IL16: variants seen among roughly 807,000 people sequenced by gnomAD.
IL16 encodes pro-interleukin-16.
A neutral mutation model predicts 110.1 loss-of-function variants in IL16; 67 were observed. The observed-to-expected ratio is 0.61, with a 90% CI of 0.50 to 0.75. The LOEUF is 0.75. IL16 is among the 30% of genes least tolerant of loss of function. IL16 has a pLI of 0.00. For missense variants in IL16, 1,545 were observed against 1,655.0 expected, an observed-to-expected ratio of 0.93 and a Z score of 1.15; for synonymous variants, 689 against 662.9, an observed-to-expected ratio of 1.04 and a Z score of -0.61.
Position 81,197,145 on chromosome 15 carries a change from G to A in IL16, c.-109G>A. On this transcript the variant is annotated 5_prime_UTR_variant, in exon 1 of 19. Coordinates refer to ENST00000683961, the MANE Select transcript of IL16 (RefSeq NM_172217.5). The stretch of plus-strand genomic sequence containing the variant: ...GGGACTGTGCATAGGGAGGTAGGTG[G>A]GCACCAGGTGAGTGAATGTCTGTCA... 7.8e-7 allele frequency: 1 copy of A among 1,287,948 alleles called. No homozygotes were observed. Among genetic ancestry groups the A allele is most frequent in the Non-Finnish European group, 1.0e-6 (1 of 988,038 alleles). 79.8% of individuals were successfully genotyped at this position (1,287,948 alleles called of 1,614,324 possible).
intron 1 of IL16, among the ~76,000 whole-genome samples, chr15:81,213,021 G>T (rs1287875439): frequency 6.6e-6 from 1 of 152,006 alleles, no homozygotes; most frequent in East Asian, 1.9e-4. Flanking sequence ...AAGGTGTTTA[G>T]GGCTCTAAAC....
In IL16 at chr15:81,285,772, T is replaced by C; in HGVS notation, c.1274T>C (p.Leu425Pro). 6.2e-7 allele frequency: 1 copy of C among 1,614,188 alleles called. No individual in the cohort carries two copies. Among genetic ancestry groups the C allele is most frequent in the Non-Finnish European group, 8.5e-7 (1 of 1,179,986 alleles). Residue 425 changes from leucine to proline, a missense_variant, in exon 10 of 19, where the codon CTG becomes CCG. Leu to Pro is a moderately conservative substitution (Grantham distance 98). Around this residue, in one of 3 missense-constraint regions of IL16, gnomAD observed 1,185 missense variants for 1,238.8 expected, o/e 0.96. Coordinates refer to ENST00000683961, the MANE Select transcript of IL16 (RefSeq NM_172217.5). ...ACGCTCAATGAAGTCTACACGATCC[T>C]GAGTCACTGTGATCCCGGTCCAGTC... Reference protein sequence around the residue: ...CLTLNEVYTILSHCDPGPVPI... With the variant: ...CLTLNEVYTIPSHCDPGPVPI...
chr15:81,231,366 CTCTCTCTCTCT>C (rs1896976225), intron 2 of IL16, among the ~76,000 whole-genome samples: 1 of 145,192 alleles, frequency 6.9e-6, no homozygotes, highest in African/African-American at 2.6e-5. Context: ...CTCTCTCTCT[CTCTCTCTCTCT>C]CTCTCCCTCT....
chr15:81,215,930 A>G (rs1025733857), intron 1 of IL16, among the ~76,000 whole-genome samples: 2 of 152,198 alleles, frequency 1.3e-5, no homozygotes, highest in Non-Finnish European at 2.9e-5. Context: ...GATCACCAGG[A>G]AAGTACTCAG....
chr15:81,198,303 G>A (rs1268110951), intron 1 of IL16, among the ~76,000 whole-genome samples: 1 of 152,116 alleles, frequency 6.6e-6, no homozygotes, highest in Admixed American at 6.5e-5. Flanking sequence ...CTGGAGCTTA[G>A]GGAGTATATC....
At chr15:81,207,870 G>A (rs767728173) in intron 1 of IL16, among the ~76,000 whole-genome samples, 13 of 150,470 alleles carry the variant, frequency 8.6e-5, no homozygotes, top group Non-Finnish European at 1.5e-4. Flanking sequence ...TATAATGATC[G>A]GTTTTTCTTT....
Position 81,292,884 on chromosome 15 carries a change from A to G in IL16, c.1749A>G (p.Lys583=), listed in dbSNP as rs1200065468. The change falls in exon 12 of 19, where the codon AAA becomes AAG. Residue 583 remains lysine, a synonymous_variant. Coordinates refer to ENST00000683961, the MANE Select transcript of IL16 (RefSeq NM_172217.5). The part of the protein sequence containing the change: ...RDSHPPLRLK[K]SFEILVRKPM... ...GCCACCCGCCGCTGAGACTGAAGAA[A>G]TCCTTTGAGATTTTGGTGAGAAAGC... is the stretch of plus-strand genomic sequence containing the variant. 6.2e-7 allele frequency: 1 copy of G among 1,614,188 alleles called. No homozygotes were observed. Among genetic ancestry groups the G allele is most frequent in the Admixed American group, 1.7e-5 (1 of 60,026 alleles).
At chr15:81,280,572 T>G (rs1899128650) in intron 8 of IL16, among the ~76,000 whole-genome samples, 1 of 152,182 alleles carries the variant, frequency 6.6e-6, no homozygotes, top group Non-Finnish European at 1.5e-5. Flanking sequence ...AAGTAGAGGC[T>G]TGGAATCCAC....
rs200499151 is a variant in IL16, at chr15:81,285,732, C to G, written c.1234C>G (p.Pro412Ala). Reference protein sequence around the residue: ...GDEIVEISDSPVHCLTLNEVY... With the variant: ...GDEIVEISDSAVHCLTLNEVY... ...CGAGATTGTGGAAATCAGTGATTCC[C>G]CTGTGCACTGCCTGACGCTCAATGA... Residue 412 changes from proline to alanine, a missense_variant, in exon 10 of 19, where the codon CCT becomes GCT. By Grantham distance (27) the Pro-to-Ala change is conservative. Transcript: ENST00000683961. 33 of 1,614,074 alleles carry G rather than the reference C, an allele frequency of 2.0e-5. 1 individual carries two copies. In the South Asian group the frequency reaches 3.2e-4, roughly 16 times the overall value.
chr15:81,269,781 T>G (rs1269396869), intron 5 of IL16, 133 bp downstream of exon 5: 2 of 637,262 alleles, frequency 3.1e-6, no homozygotes, highest in Non-Finnish European at 5.7e-6. Context: ...AACACAAGAG[T>G]GGCTAGTCTT....
intron 1 of IL16, among the ~76,000 whole-genome samples, chr15:81,221,052 G>C (rs1008901127): frequency 2.6e-5 from 4 of 151,598 alleles, no homozygotes; most frequent in Non-Finnish European, 5.9e-5. Flanking sequence ...TTTTGGCACA[G>C]TGTCCTTACC....
At chr15:81,206,426 A>G (rs1330782073) in intron 1 of IL16, among the ~76,000 whole-genome samples, 1 of 152,356 alleles carries the variant, frequency 6.6e-6, no homozygotes, top group African/African-American at 2.4e-5. Flanking sequence ...CCACTATCAT[A>G]TAAGCAGTTC....
intron 3 of IL16, among the ~76,000 whole-genome samples, chr15:81,263,524 T>G (rs1448442605): frequency 6.6e-6 from 1 of 152,108 alleles, no homozygotes; most frequent in Non-Finnish European, 1.5e-5. Flanking sequence ...TGGGCCGAAG[T>G]GGGCACAGAA....
chr15:81,258,760 T>G (rs550028322), intron 2 of IL16, among the ~76,000 whole-genome samples: 5 of 145,742 alleles, frequency 3.4e-5, no homozygotes, highest in South Asian at 4.2e-4. Context: ...TCACTCGCTC[T>G]CTCTCTCTCT....
At chr15:81,194,842 A>G (rs2141930383), upstream of IL16, among the ~76,000 whole-genome samples, 1 of 152,286 alleles carries the variant, frequency 6.6e-6, no homozygotes, top group East Asian at 1.9e-4. Flanking sequence ...TCTAATTTTC[A>G]TCGTAGCAAA....
chr15:81,250,776 C>T (rs1007108077), intron 2 of IL16, among the ~76,000 whole-genome samples: 1 of 152,160 alleles, frequency 6.6e-6, no homozygotes, highest in Non-Finnish European at 1.5e-5. Flanking sequence ...GGAAGATTTT[C>T]CTCCTTCCAT....
chr15:81,285,081 T>C (rs1258517253), intron 9 of IL16, among the ~76,000 whole-genome samples: 2 of 140,652 alleles, frequency 1.4e-5, no homozygotes, highest in African/African-American at 2.6e-5. Flanking sequence ...GTTTCCTACC[T>C]TTTTTTTTTT....
chr15:81,266,786 T>A (rs1898401869), intron 4 of IL16, among the ~76,000 whole-genome samples: 1 of 152,236 alleles, frequency 6.6e-6, no homozygotes, highest in South Asian at 2.1e-4. Context: ...CTCACAGTGC[T>A]CACCCAGCCT....
Position 81,292,548 on chromosome 15 carries a change from C to T in IL16, c.1421-8C>T. The T allele has an allele frequency of 6.2e-7, 1 of 1,608,360 alleles. No individual in the cohort carries two copies. The highest frequency in any genetic ancestry group is 1.1e-5 in the South Asian group (1 of 90,806). On this transcript the variant is annotated splice_polypyrimidine_tract_variant and splice_region_variant and intron_variant, in intron 11 of 18. Transcript: ENST00000683961. ...AGCTGTGAAGATTCTCTTGTGCTTC[C>T]CACACAGGTGTCAAAAGGCTGGAAA...
Sources: allele counts gnomAD v4.1 joint callset (sites outside exome capture counted in the v4.1 genomes callset), GRCh38; gene constraint gnomAD v4.1.1; regional missense constraint gnomAD v4.1.1; transcripts MANE v1.5; gene names NCBI Gene and HGNC (gene_info 2026-07-23, HGNC 2026-07-21).